RPS6KC1: variants seen among roughly 807,000 people sequenced by gnomAD.
The protein encoded by RPS6KC1 is inactive ribosomal protein S6 kinase delta-1.
RPS6KC1 carries 54 observed loss-of-function variants against 103.8 expected under a neutral mutation model. That is an observed-to-expected ratio of 0.52 (90% confidence interval 0.42 to 0.65). The LOEUF is 0.65. Ranked by LOEUF, RPS6KC1 falls within the 30% of genes least tolerant of loss-of-function variation. RPS6KC1 has a pLI of 0.00. For missense variants in RPS6KC1, 1,151 were observed against 1,253.8 expected (o/e 0.92, Z 1.24); for synonymous variants, 439 against 438.7 (o/e 1.00, Z -0.01).
the RPS6KC1 span, among the ~76,000 whole-genome samples, chr1:213,457,334 A>G: frequency 2.6e-5 from 4 of 152,220 alleles, no homozygotes; most frequent in African/African-American, 7.2e-5. Flanking sequence ...TGGGGATTCC[A>G]TGCCAGGGCT....
the RPS6KC1 span, among the ~76,000 whole-genome samples, chr1:213,572,073 G>A: frequency 2.6e-5 from 4 of 152,182 alleles, no homozygotes; most frequent in East Asian, 3.8e-4. Context: ...ACACTGTCTC[G>A]AGGGGATGCA....
chr1:213,188,601 A>T (rs1346451034), intron 8 of RPS6KC1, among the ~76,000 whole-genome samples: 1 of 152,156 alleles, frequency 6.6e-6, no homozygotes, highest in African/African-American at 2.4e-5. Context: ...AACAATGCAC[A>T]CATAAAAACT....
chr1:213,386,900 A>G, the RPS6KC1 span, among the ~76,000 whole-genome samples: 1 of 152,112 alleles, frequency 6.6e-6, no homozygotes, highest in Non-Finnish European at 1.5e-5. Context: ...TTTTTAAACC[A>G]TCTCCATAGA....
At chr1:213,817,511 G>C in the RPS6KC1 span, among the ~76,000 whole-genome samples, 1 of 152,198 alleles carries the variant, frequency 6.6e-6, no homozygotes, top group East Asian at 1.9e-4. Flanking sequence ...ACACTGTGGA[G>C]GGCCAGTGAA....
chr1:213,228,460 C>T (rs1241611535), intron 8 of RPS6KC1, among the ~76,000 whole-genome samples: 1 of 151,992 alleles, frequency 6.6e-6, no homozygotes, highest in Non-Finnish European at 1.5e-5. Flanking sequence ...GTGACTTATC[C>T]CTGTAATCTC....
At chr1:213,767,250 A>G in the RPS6KC1 span, among the ~76,000 whole-genome samples, 80 of 152,352 alleles carry the variant, frequency 5.3e-4, 2 homozygotes, top group East Asian at 0.014. Context: ...CTTAAGGCCT[A>G]TCAAAATCTA....
chr1:213,607,536 G>A, the RPS6KC1 span, among the ~76,000 whole-genome samples: 1 of 151,992 alleles, frequency 6.6e-6, no homozygotes, highest in Non-Finnish European at 1.5e-5. Flanking sequence ...TGGAGAATAT[G>A]GGGACCAATA....
chr1:213,217,398 A>G (rs1025851676), intron 8 of RPS6KC1, among the ~76,000 whole-genome samples: 64 of 152,212 alleles, frequency 4.2e-4, no homozygotes, highest in Non-Finnish European at 7.3e-4. Flanking sequence ...CCAACCAAAA[A>G]AAGTCCAGGA....
the RPS6KC1 span, among the ~76,000 whole-genome samples, chr1:213,562,175 AATC>A: frequency 6.6e-6 from 1 of 152,098 alleles, no homozygotes; most frequent in Admixed American, 6.5e-5. Flanking sequence ...ATGCTTTTGA[AATC>A]ATCAAAGACT....
At chr1:213,310,718 T>C in the RPS6KC1 span, among the ~76,000 whole-genome samples, 2 of 152,260 alleles carry the variant, frequency 1.3e-5, no homozygotes, top group Admixed American at 1.3e-4. Flanking sequence ...CAATGCTAAA[T>C]AAGTAATTCT....
the RPS6KC1 span, among the ~76,000 whole-genome samples, chr1:213,292,273 A>G: frequency 6.6e-6 from 1 of 151,702 alleles, no homozygotes; most frequent in African/African-American, 2.4e-5. Flanking sequence ...AAATTAAATT[A>G]AAAAACAAAA....
the RPS6KC1 span, among the ~76,000 whole-genome samples, chr1:213,677,916 G>T: frequency 6.6e-6 from 1 of 151,900 alleles, no homozygotes; most frequent in African/African-American, 2.4e-5. Flanking sequence ...TGAGGCAGGA[G>T]AATTGCTTGA....
the RPS6KC1 span, among the ~76,000 whole-genome samples, chr1:213,593,485 C>T: frequency 6.6e-6 from 1 of 152,192 alleles, no homozygotes; most frequent in East Asian, 1.9e-4. Flanking sequence ...CACATACACC[C>T]ACACTTAGCA....
At chr1:213,750,942 A>G in the RPS6KC1 span, among the ~76,000 whole-genome samples, 1 of 152,216 alleles carries the variant, frequency 6.6e-6, no homozygotes, top group Non-Finnish European at 1.5e-5. Context: ...AGAATTAAGA[A>G]TGTGGAACTG....
At chr1:213,440,951 G>A in the RPS6KC1 span, among the ~76,000 whole-genome samples, 5 of 152,152 alleles carry the variant, frequency 3.3e-5, no homozygotes, top group Admixed American at 1.3e-4. Context: ...AGAGCAGACT[G>A]GATGCATGTG....
At chr1:213,859,976 C>T in the RPS6KC1 span, among the ~76,000 whole-genome samples, 480 of 143,714 alleles carry the variant, frequency 3.3e-3, no homozygotes, top group African/African-American at 0.012. Flanking sequence ...ACAGTCTAAA[C>T]AAAAAAAAAA....
chr1:213,799,480 T>A, the RPS6KC1 span, among the ~76,000 whole-genome samples: 1 of 152,204 alleles, frequency 6.6e-6, no homozygotes, highest in Non-Finnish European at 1.5e-5. Context: ...TAACAGGTCT[T>A]ATTACTAAAC....
intron 8 of RPS6KC1, among the ~76,000 whole-genome samples, chr1:213,210,805 T>TTGGA (rs1419436516): frequency 7.9e-5 from 12 of 152,246 alleles, no homozygotes; most frequent in Admixed American, 2.0e-4. Flanking sequence ...TTCTTCTGAA[T>TTGGA]TGGAATCAGG....
At chr1:213,737,269 A>G in the RPS6KC1 span, among the ~76,000 whole-genome samples, 1 of 152,290 alleles carries the variant, frequency 6.6e-6, no homozygotes, top group Admixed American at 6.5e-5. Context: ...ACAGCTCTGG[A>G]CTTGGTGCTG....
Sources: allele counts gnomAD v4.1 joint callset (sites outside exome capture counted in the v4.1 genomes callset), GRCh38; gene constraint gnomAD v4.1.1; transcripts MANE v1.5; gene names NCBI Gene and HGNC (gene_info 2026-07-23, HGNC 2026-07-21).